Variants in NRXN3 observed in about 807,000 individuals in gnomAD.
NRXN3 encodes neurexin 3.
Under a neutral mutation model 137.6 loss-of-function variants are expected in NRXN3, and 32 were observed. The ratio of observed to expected loss-of-function variants is 0.23; its 90% CI spans 0.18 to 0.31. The LOEUF (loss-of-function observed/expected upper bound fraction) is 0.31. Among genes scored for constraint, NRXN3 ranks in the 10% least tolerant of loss-of-function variants. NRXN3 has a pLI of 1.00. For missense variants in NRXN3, 1,574 were observed against 2,062.5 expected, an observed-to-expected ratio of 0.76 and a Z score of 4.59; for synonymous variants, 798 against 784.5, an observed-to-expected ratio of 1.02 and a Z score of -0.29.
chr14:79,602,376 A>G (rs2153835909), intron 16 of NRXN3, among the ~76,000 whole-genome samples: 1 of 152,306 alleles, frequency 6.6e-6, no homozygotes, highest in South Asian at 2.1e-4. Flanking sequence ...TTTCCATCTC[A>G]GTTACTTTTG....
chr14:79,840,705 AATT>A (rs900220697), intron 20 of NRXN3, among the ~76,000 whole-genome samples: 1 of 152,200 alleles, frequency 6.6e-6, no homozygotes, highest in African/African-American at 2.4e-5. Flanking sequence ...GTGTAATTAT[AATT>A]ATTGAGTAAA....
intron 15 of NRXN3, among the ~76,000 whole-genome samples, chr14:79,235,851 C>T (rs992742131): frequency 6.6e-6 from 1 of 152,034 alleles, no homozygotes; most frequent in Non-Finnish European, 1.5e-5. Context: ...CTAGATTTCT[C>T]TCATAAGTGC....
At chr14:79,590,223 C>A (rs1375852537) in intron 16 of NRXN3, among the ~76,000 whole-genome samples, 1 of 151,884 alleles carries the variant, frequency 6.6e-6, no homozygotes, top group African/African-American at 2.4e-5. Context: ...CTTTCCCATG[C>A]TGTTCTCATA....
At chr14:79,394,101 G>A (rs1248738160) in intron 15 of NRXN3, among the ~76,000 whole-genome samples, 1 of 152,122 alleles carries the variant, frequency 6.6e-6, no homozygotes, top group Non-Finnish European at 1.5e-5. Flanking sequence ...TTTATGCTTG[G>A]TGGCATGTAG....
intron 3 of NRXN3, among the ~76,000 whole-genome samples, chr14:78,293,108 CT>C (rs201811867): frequency 0.013 from 1,948 of 150,868 alleles, 27 homozygotes; most frequent in South Asian, 0.017. Context: ...GTTCCTTTTC[CT>C]TTTTTTTTGA....
chr14:78,823,940 C>A (rs1290587635), intron 10 of NRXN3, among the ~76,000 whole-genome samples: 3 of 151,962 alleles, frequency 2.0e-5, no homozygotes, highest in African/African-American at 7.3e-5. Flanking sequence ...GTATATCCCC[C>A]ACAGGTCAGC....
In NRXN3 at chr14:79,724,668, T is replaced by G. The variant is rs1311366589; in HGVS notation, c.4014+26731T>G. Among the ~76,000 whole-genome samples the G allele has an allele frequency of 3.9e-5, 6 of 152,192 alleles. No individual in the cohort carries two copies. In the South Asian group the frequency reaches 6.2e-4, roughly 16 times the overall value. On this transcript the variant is annotated intron_variant, in intron 19 of 20. Coordinates refer to ENST00000335750, the MANE Select transcript of NRXN3 (RefSeq NM_001330195.2). The stretch of plus-strand genomic sequence containing the variant: ...AAAATTATAAGCCATGACTTCTATT[T>G]TCCAAGCATTTTGGAGAAAAACAAC...
At position 79,814,436 on chromosome 14, in the gene NRXN3, A is replaced by C. The variant is rs1313319051; in HGVS notation, c.4093+9246A>C. On this transcript the variant is annotated intron_variant, in intron 20 of 20. Coordinates refer to ENST00000335750, the MANE Select transcript of NRXN3 (RefSeq NM_001330195.2). ...AGGGAACTTCACAAAGAAGCAAAAC[A>C]AACTTTCAGTCACATTATAAGGCTG... Among the ~76,000 whole-genome samples, 3 of 152,374 alleles carry C rather than the reference A, an allele frequency of 2.0e-5. No homozygotes were observed. The East Asian group carries it at 5.8e-4, about 29-fold the overall frequency.
At chr14:78,671,625 T>C (rs908575035) in intron 6 of NRXN3, among the ~76,000 whole-genome samples, 4 of 152,226 alleles carry the variant, frequency 2.6e-5, no homozygotes, top group African/African-American at 9.6e-5. Flanking sequence ...TAGGCTTTTT[T>C]TCAGTTGCTC....
chr14:79,753,414 T>C (rs571881662), intron 19 of NRXN3, among the ~76,000 whole-genome samples: 41 of 151,914 alleles, frequency 2.7e-4, no homozygotes, highest in African/African-American at 9.9e-4. Flanking sequence ...GTTCATGTCC[T>C]TTGTAGGGAC....
rs548729770 is a variant in NRXN3 at position 78,430,127 on chromosome 14, A to T, written c.757+132267A>T. ...GTGTTGCACGTCTACAGTCCCAGCC[A>T]CTCGGGAGGCTAAGGTGGGAAGACC... On this transcript the variant is annotated intron_variant, in intron 4 of 20. Transcript: ENST00000335750. Among the ~76,000 whole-genome samples the T allele has an allele frequency of 2.0e-5, 3 of 152,250 alleles. No homozygotes were observed. The East Asian group carries it at 5.8e-4, about 29-fold the overall frequency.
At chr14:78,200,283 C>G (rs1158736735) in intron 1 of NRXN3, among the ~76,000 whole-genome samples, 1 of 152,128 alleles carries the variant, frequency 6.6e-6, no homozygotes, top group Non-Finnish European at 1.5e-5. Context: ...CTTAATTGGG[C>G]AGAAACTTCA....
In NRXN3 at chr14:78,512,436, T is replaced by G. The variant is rs149088518; in HGVS notation, c.758-132684T>G. Among the ~76,000 whole-genome samples, 534 of 152,316 alleles carry G rather than the reference T, an allele frequency of 3.5e-3. 3 individuals carry two copies. The highest frequency in any genetic ancestry group is 0.012 in the African/African-American group (519 of 41,576). ...GAGCTAGATTTGCCCATTATTTCAC[T>G]AAATTCATCACATGGCCCCACCTAA... On this transcript the variant is annotated intron_variant, in intron 4 of 20. Transcript: ENST00000335750.
At chr14:79,805,250 T>A (rs143460170) in intron 20 of NRXN3, 60 bp downstream of exon 20, 1 of 1,187,958 alleles carries the variant, frequency 8.4e-7, no homozygotes, top group Non-Finnish European at 1.3e-6. Context: ...AAACAATACA[T>A]ACATATATGT....
intron 16 of NRXN3, among the ~76,000 whole-genome samples, chr14:79,587,599 A>G (rs2097772740): frequency 6.6e-6 from 1 of 152,266 alleles, no homozygotes; most frequent in South Asian, 2.1e-4. Context: ...CCAGAGAGAG[A>G]GCAAGAAAGA....
intron 15 of NRXN3, among the ~76,000 whole-genome samples, chr14:79,139,867 A>G (rs1253642268): frequency 6.6e-6 from 1 of 151,480 alleles, no homozygotes; most frequent in East Asian, 1.9e-4. Context: ...TCACATGCTC[A>G]AAGGCTTTCT....
intron 15 of NRXN3, chr14:79,279,753 G>A: frequency 1.0e-6 from 1 of 987,908 alleles, no homozygotes; most frequent in Non-Finnish European, 1.2e-6. Context: ...TCTTCCACCT[G>A]CAGCCCCCTT....
intron 16 of NRXN3, among the ~76,000 whole-genome samples, chr14:79,600,491 A>C (rs1414784256): frequency 6.6e-6 from 1 of 152,216 alleles, no homozygotes; most frequent in African/African-American, 2.4e-5. Flanking sequence ...AAACCTCAAA[A>C]TAAGATATTA....
chr14:78,663,338 G>T (rs775794845), intron 6 of NRXN3, among the ~76,000 whole-genome samples: 3 of 152,202 alleles, frequency 2.0e-5, no homozygotes, highest in Non-Finnish European at 4.4e-5. Flanking sequence ...AAAATGTTCT[G>T]TTGGGAGACT....
Sources: gnomAD v4.1 joint callset for allele counts (sites outside exome capture counted in the v4.1 genomes callset) on GRCh38, gnomAD v4.1.1 for gene constraint, MANE v1.5 for transcripts, NCBI Gene and HGNC (gene_info 2026-07-23, HGNC 2026-07-21) for gene names.